The following PROM1 variants were observed in gnomAD, a reference collection of about 807,000 sequenced individuals.
PROM1 encodes prominin 1.
In PROM1, 105 loss-of-function variants were observed where a neutral mutation model predicts 116.9. That is an observed-to-expected ratio of 0.90 (90% CI 0.77 to 1.06). The LOEUF (loss-of-function observed/expected upper bound fraction) is 1.06, where lower values mean the gene tolerates loss of function less well. Among genes scored for constraint, PROM1 ranks in the 50% least tolerant of loss-of-function variants. The pLI, the probability that PROM1 is intolerant of heterozygous loss-of-function variation, is 0.00. For synonymous variants in PROM1, 393 were observed against 387.0 expected (o/e 1.02, Z -0.18); for missense variants, 1,122 against 1,045.2 (o/e 1.07, Z -1.01).
Position 16,000,487 on chromosome 4 carries a change from C to A in PROM1, c.1578+9G>T. ...AGTCCTTTCATAATGGGTAGAAAATCATATTTACCCGGAATAATTCCTTGC... is the reference window on the plus strand; with the variant it reads ...AGTCCTTTCATAATGGGTAGAAAATAATATTTACCCGGAATAATTCCTTGC... On this transcript the variant is annotated intron_variant, in intron 14 of 27. Coordinates refer to ENST00000447510, the MANE Select transcript of PROM1 (RefSeq NM_006017.3). 1.3e-6 allele frequency: 2 copies of A among 1,571,176 alleles called. No individual in the cohort carries two copies. The highest frequency in any genetic ancestry group is 2.3e-5 in the South Asian group (2 of 86,792).
chr4:16,026,888 C>T (rs1731420921), intron 5 of PROM1, among the ~76,000 whole-genome samples: 1 of 152,062 alleles, frequency 6.6e-6, no homozygotes, highest in Non-Finnish European at 1.5e-5. Flanking sequence ...TGGGTCCTGT[C>T]CTGCCACCAC....
At position 16,006,578 on chromosome 4, in the gene PROM1, G is replaced by A. The variant is rs761152494; in HGVS notation, c.1414C>T (p.Arg472Ter). The part of the protein sequence containing the change: ...GYDRHATPTT[R>*]GCVSNTGGVF... ...CCTCCGGTGTTGGAGACACAGCCTC[G>A]GGTGGTCGGGGTGGCATGCCTGTCA... Residue 472 changes from arginine (R) to a stop codon, truncating the protein, a stop_gained, in exon 13 of 28, where the codon CGA becomes TGA. Transcript: ENST00000447510. LOFTEE classifies it high-confidence loss of function. 1.6e-5 allele frequency: 26 copies of A among 1,602,716 alleles called. No individual in the cohort carries two copies. The highest frequency in any genetic ancestry group is 4.0e-5 in the African/African-American group (3 of 74,724).
intron 2 of PROM1, among the ~76,000 whole-genome samples, chr4:16,069,491 G>T (rs1742320094): frequency 6.6e-6 from 1 of 152,096 alleles, no homozygotes; most frequent in South Asian, 2.1e-4. Context: ...CTAACCCATG[G>T]TCATTTTAAA....
chr4:16,033,621 G>A (rs1055248131), intron 4 of PROM1, 112 bp from the exon 5 acceptor site: 46 of 875,954 alleles, frequency 5.3e-5, no homozygotes, highest in East Asian at 1.5e-4. Context: ...ACAGGGTCTC[G>A]CTCTGTTGCC....
At chr4:16,001,508 G>T (rs2149195872) in intron 13 of PROM1, among the ~76,000 whole-genome samples, 1 of 152,278 alleles carries the variant, frequency 6.6e-6, no homozygotes, top group East Asian at 1.9e-4. Flanking sequence ...GGAAGGAGGG[G>T]CCAGCAAACC....
chr4:16,045,984 C>T lies in PROM1; in HGVS notation c.221-6983G>A, dbSNP rs117297692. On this transcript the variant is annotated intron_variant, in intron 2 of 27. Transcript: ENST00000447510. ...CATGTTCATAACCAGTTTAAACCAC[C>T]AATTCAAACAAGTCTCTACTGCCAA... is the stretch of plus-strand genomic sequence containing the variant. Among the ~76,000 whole-genome samples, 98 of 152,300 alleles carry T rather than the reference C, an allele frequency of 6.4e-4. 3 individuals are homozygous for T. The East Asian group carries it at 0.018, about 27-fold the overall frequency.
intron 24 of PROM1, 84 bp downstream of exon 24, chr4:15,980,338 C>T: frequency 1.2e-6 from 1 of 856,330 alleles, no homozygotes; most frequent in Non-Finnish European, 1.9e-6. Flanking sequence ...ACTTTAACCT[C>T]ATCAGAACTC....
intron 1 of PROM1, among the ~76,000 whole-genome samples, chr4:16,076,998 T>C (rs1033501461): frequency 6.6e-6 from 1 of 152,244 alleles, no homozygotes; most frequent in Admixed American, 6.5e-5. Flanking sequence ...AGCCAGGTAT[T>C]GTCCAAGGTT....
chr4:16,004,832 T>TTCTTCCTTC (rs1203366908), intron 13 of PROM1, among the ~76,000 whole-genome samples: 14 of 122,612 alleles, frequency 1.1e-4, no homozygotes, highest in East Asian at 4.9e-4. Context: ...TCTTTCTTTT[T>TTCTTCCTTC]CTTCCTTCCT....
chr4:16,018,152 C>T, intron 9 of PROM1, 171 bp downstream of exon 9: 1 of 614,128 alleles, frequency 1.6e-6, no homozygotes, highest in Non-Finnish European at 2.9e-6. Flanking sequence ...TTTGCTCCTG[C>T]TGTGGTCATT....
Position 16,043,957 on chromosome 4 carries a change from C to T in PROM1, c.221-4956G>A, listed in dbSNP as rs185352315. Among the ~76,000 whole-genome samples, 5 of 152,306 alleles carry T rather than the reference C, an allele frequency of 3.3e-5. No homozygotes were observed. In the East Asian group the frequency reaches 9.7e-4, roughly 29 times the overall value. The stretch of plus-strand genomic sequence containing the variant: ...TGTCTGTCTCCCTCTCACACACCCC[C>T]CAGGTCAGGGGACAGCGCTGGCAGG... On this transcript the variant is annotated intron_variant, in intron 2 of 27. Transcript: ENST00000447510.
At chr4:16,042,226 A>G (rs1304686749) in intron 2 of PROM1, among the ~76,000 whole-genome samples, 2 of 152,254 alleles carry the variant, frequency 1.3e-5, no homozygotes, top group African/African-American at 4.8e-5. Context: ...AATTTTGCAA[A>G]GTGCGTATCC....
In PROM1 at chr4:16,039,715, C is replaced by CAAA. The variant is rs34158088; in HGVS notation, c.221-717_221-715dup. Reference sequence around the variant, plus strand: ...ATCGCGCCACTGCACTCCAGACTGTCAAAAAAAAAAAAAAAATTAACCCAA... The same window carrying CAAA: ...ATCGCGCCACTGCACTCCAGACTGTCAAAAAAAAAAAAAAAAAAATTAACCCAA... On this transcript the variant is annotated intron_variant, in intron 2 of 27. Coordinates refer to ENST00000447510, the MANE Select transcript of PROM1 (RefSeq NM_006017.3). Among the ~76,000 whole-genome samples, 482 of 133,942 alleles carry CAAA rather than the reference C, an allele frequency of 3.6e-3. 3 individuals carry two copies. The highest frequency in any genetic ancestry group is 0.011 in the African/African-American group (417 of 36,750). The allele number at this position is 133,942 out of a possible 152,430, so 87.9% of individuals were successfully genotyped here.
At chr4:16,073,513 A>ACTAC (rs1186226222) in intron 2 of PROM1, among the ~76,000 whole-genome samples, 1 of 152,204 alleles carries the variant, frequency 6.6e-6, no homozygotes, top group Non-Finnish European at 1.5e-5. Flanking sequence ...TAACTAGGTG[A>ACTAC]AAGAATACAA....
chr4:15,969,658 C>G (rs999453419), intron 27 of PROM1, among the ~76,000 whole-genome samples: 1 of 152,146 alleles, frequency 6.6e-6, no homozygotes, highest in African/African-American at 2.4e-5. Context: ...GCGATCTCAG[C>G]TCACTGCAAC....
intron 26 of PROM1, among the ~76,000 whole-genome samples, chr4:15,978,901 T>G (rs1025162686): frequency 6.6e-6 from 1 of 152,110 alleles, no homozygotes; most frequent in Middle Eastern, 3.2e-3. Context: ...GCTCCTTAAT[T>G]CTAGAGAATG....
At chr4:16,025,908 C>T (rs918652397) in intron 5 of PROM1, among the ~76,000 whole-genome samples, 1 of 152,158 alleles carries the variant, frequency 6.6e-6, no homozygotes, top group Non-Finnish European at 1.5e-5. Flanking sequence ...ATGTGAGAAG[C>T]CACATACAAC....
intron 24 of PROM1, 39 bp from the exon 25 acceptor site, chr4:15,979,943 T>G: frequency 8.0e-7 from 1 of 1,248,272 alleles, no homozygotes; most frequent in East Asian, 2.6e-5. Context: ...TTAATTTTTT[T>G]AATTATTATG....
At chr4:16,001,581 G>T (rs1178012734) in intron 13 of PROM1, among the ~76,000 whole-genome samples, 1 of 152,136 alleles carries the variant, frequency 6.6e-6, no homozygotes, top group Non-Finnish European at 1.5e-5. Context: ...CCACCTAGGG[G>T]ACAAAAGGAG....
Sources: gnomAD v4.1 joint callset for allele counts (sites outside exome capture counted in the v4.1 genomes callset) on GRCh38, gnomAD v4.1.1 for gene constraint, MANE v1.5 for transcripts, NCBI Gene and HGNC (gene_info 2026-07-23, HGNC 2026-07-21) for gene names.